Variants in SH3BP5 observed in about 807,000 individuals in gnomAD.
SH3BP5 encodes SH3 domain binding protein 5.
Under a neutral mutation model 43.3 loss-of-function variants are expected in SH3BP5, and 22 were observed. The ratio of observed to expected loss-of-function variants is 0.51; its 90% CI spans 0.36 to 0.73. The LOEUF (loss-of-function observed/expected upper bound fraction) is 0.73. Among genes scored for constraint, SH3BP5 ranks in the 30% least tolerant of loss-of-function variants. SH3BP5 has a pLI of 0.00. For missense variants in SH3BP5, 529 were observed against 586.9 expected (o/e 0.90, Z 1.02); for synonymous variants, 255 against 225.8 (o/e 1.13, Z -1.16).
intron 3 of SH3BP5, chr3:15,276,168 T>C (rs4685244): frequency 0.38 from 57,015 of 151,850 alleles, 11,600 homozygotes; most frequent in African/African-American, 0.54. Context: ...TAGAGAAGCC[T>C]GGCATTGTTG....
chr3:15,261,332 G>C (rs746289838), intron 5 of SH3BP5, among the ~76,000 whole-genome samples: 1 of 152,318 alleles, frequency 6.6e-6, no homozygotes, highest in Middle Eastern at 3.4e-3. Flanking sequence ...TGAAGGTACT[G>C]GGGGGTAGTA....
Position 15,332,222 on chromosome 3 carries a change from G to A in SH3BP5, c.138+49C>T, listed in dbSNP as rs533971510. 41 of 1,548,420 alleles carry A rather than the reference G, an allele frequency of 2.6e-5. No individual in the cohort carries two copies. The African/African-American group carries it at 3.4e-4, about 13-fold the overall frequency. The stretch of plus-strand genomic sequence containing the variant: ...GCTGTACGCGTAGACACCGACCTCC[G>A]TAGCAGCCCTCGCGAAGCCCGGATG... On this transcript the variant is annotated intron_variant, in intron 1 of 8. Coordinates refer to ENST00000383791, the MANE Select transcript of SH3BP5 (RefSeq NM_004844.5).
chr3:15,262,086 G>T, intron 5 of SH3BP5, 73 bp downstream of exon 5: 1 of 1,571,592 alleles, frequency 6.4e-7, no homozygotes, highest in Non-Finnish European at 8.7e-7. Context: ...TTGAGTGTGT[G>T]ACATACAAAA....
chr3:15,259,668 C>T (rs1425912002), intron 6 of SH3BP5, 93 bp downstream of exon 6: 2 of 1,135,852 alleles, frequency 1.8e-6, no homozygotes, highest in Non-Finnish European at 2.7e-6. Flanking sequence ...CCCCTTATAG[C>T]AAGTGGCCCA....
At chr3:15,265,018 G>C (rs897801336) in intron 4 of SH3BP5, among the ~76,000 whole-genome samples, 8 of 151,926 alleles carry the variant, frequency 5.3e-5, no homozygotes, top group African/African-American at 1.9e-4. Context: ...CTGCACACAG[G>C]CCCTCATTCT....
At chr3:15,269,209 G>A (rs1477352469) in intron 4 of SH3BP5, among the ~76,000 whole-genome samples, 2 of 152,120 alleles carry the variant, frequency 1.3e-5, no homozygotes, top group South Asian at 2.1e-4. Flanking sequence ...CTCTGTGCCT[G>A]TCAACTCCCT....
In SH3BP5 at chr3:15,304,123, C is replaced by A. The variant is rs763821261; in HGVS notation, c.310G>T (p.Ala104Ser). 26 of 1,614,140 alleles carry A rather than the reference C, an allele frequency of 1.6e-5. No homozygotes were observed. Among genetic ancestry groups the A allele is most frequent in the Non-Finnish European group, 2.0e-5 (24 of 1,180,004 alleles). ...CTTACCTGCCTCGCCACCCTCCGTG[C>A]CTCCCAGTAGGGCTTGGAGTCTTCC... ...AVEDSKPYWEARRVARQAQLE... is the reference protein window; with the variant it reads ...AVEDSKPYWESRRVARQAQLE... Residue 104 changes from alanine to serine, a missense_variant, in exon 3 of 9, where the codon GCA becomes TCA. Transcript: ENST00000383791.
At chr3:15,277,906 C>T (rs1697016317) in intron 3 of SH3BP5, among the ~76,000 whole-genome samples, 1 of 152,188 alleles carries the variant, frequency 6.6e-6, no homozygotes, top group African/African-American at 2.4e-5. Flanking sequence ...AGGAATGCCC[C>T]ACTTTCTTCT....
In SH3BP5 at chr3:15,258,856, G is replaced by A; in HGVS notation, c.864C>T (p.Ser288=). ...CAGAAATGGCATCAGGCTCAGGTTT[G>A]CTCCCTGGCAGATCCTCCACAGATG... is the stretch of plus-strand genomic sequence containing the variant. ...SSTSVEDLPG[S]KPEPDAISVA... is the part of the protein sequence containing the mutation. Residue 288 remains serine, a synonymous_variant, in exon 7 of 9, where the codon AGC becomes AGT. Coordinates refer to ENST00000383791, the MANE Select transcript of SH3BP5 (RefSeq NM_004844.5). 1 of 1,614,122 alleles carries A rather than the reference G, an allele frequency of 6.2e-7. No homozygotes were observed. The highest frequency in any genetic ancestry group is 1.3e-5 in the African/African-American group (1 of 75,054).
intron 4 of SH3BP5, among the ~76,000 whole-genome samples, chr3:15,263,955 A>G (rs1340440760): frequency 1.3e-5 from 2 of 152,206 alleles, no homozygotes; most frequent in African/African-American, 2.4e-5. Context: ...GTCACTAGTC[A>G]GCTCTCTCAG....
intron 3 of SH3BP5, among the ~76,000 whole-genome samples, chr3:15,296,078 C>T (rs1697561048): frequency 6.6e-6 from 1 of 152,154 alleles, no homozygotes; most frequent in African/African-American, 2.4e-5. Flanking sequence ...TCTATTTCCC[C>T]TAGGAGCAAA....
intron 3 of SH3BP5, among the ~76,000 whole-genome samples, chr3:15,288,884 ACACT>A (rs1381294830): frequency 1.3e-5 from 2 of 152,248 alleles, no homozygotes; most frequent in Admixed American, 1.3e-4. Context: ...ACTTTACAAA[ACACT>A]CACTTTATGA....
At chr3:15,298,062 G>A (rs911296349) in intron 3 of SH3BP5, among the ~76,000 whole-genome samples, 1 of 151,196 alleles carries the variant, frequency 6.6e-6, no homozygotes, top group Non-Finnish European at 1.5e-5. Context: ...CTGCACTCTG[G>A]AACTCCTGGG....
At chr3:15,282,065 A>T (rs773337274) in intron 3 of SH3BP5, among the ~76,000 whole-genome samples, 1 of 152,140 alleles carries the variant, frequency 6.6e-6, no homozygotes, top group Non-Finnish European at 1.5e-5. Context: ...TGATTTGACC[A>T]GGACAATTGA....
rs1697841523 is a variant in SH3BP5 at position 15,304,442 on chromosome 3, T to C, written c.202-211A>G. 6.7e-6 allele frequency: 5 copies of C among 742,612 alleles called. No homozygotes were observed. The Admixed American group carries it at 1.1e-4, about 16-fold the overall frequency. The allele number at this position is 742,612 out of a possible 1,614,324, so 46.0% of individuals were successfully genotyped here. ...GTCCTGTGCTCTGCACAGTGCAGTG[T>C]GGCGGCCACCAGCCACGTGTGGCTA... On this transcript the variant is annotated intron_variant, in intron 2 of 8. Coordinates refer to ENST00000383791, the MANE Select transcript of SH3BP5 (RefSeq NM_004844.5).
chr3:15,302,178 C>T (rs1697772307), intron 3 of SH3BP5, among the ~76,000 whole-genome samples: 1 of 152,150 alleles, frequency 6.6e-6, no homozygotes, highest in South Asian at 2.1e-4. Context: ...GTGGGTAGGA[C>T]ACATCCTCAA....
intron 3 of SH3BP5, among the ~76,000 whole-genome samples, chr3:15,292,612 G>A (rs1450836938): frequency 6.6e-6 from 1 of 152,190 alleles, no homozygotes; most frequent in Non-Finnish European, 1.5e-5. Flanking sequence ...ACTTTGGGAG[G>A]CCAAGGTGGG....
At chr3:15,294,178 G>C (rs1344009559) in intron 3 of SH3BP5, among the ~76,000 whole-genome samples, 1 of 150,702 alleles carries the variant, frequency 6.6e-6, no homozygotes, top group African/African-American at 2.4e-5. Context: ...GTACATAAAA[G>C]ACCTATGACC....
chr3:15,311,023 T>C (rs1412658910), intron 2 of SH3BP5, among the ~76,000 whole-genome samples: 3 of 152,192 alleles, frequency 2.0e-5, no homozygotes, highest in Non-Finnish European at 4.4e-5. Context: ...GCCTGGAAAC[T>C]GAGAATCCTG....
Sources: gnomAD v4.1 joint callset for allele counts (sites outside exome capture counted in the v4.1 genomes callset) on GRCh38, gnomAD v4.1.1 for gene constraint, MANE v1.5 for transcripts, NCBI Gene and HGNC (gene_info 2026-07-23, HGNC 2026-07-21) for gene names.